Variants in ERC2 observed in about 807,000 individuals in gnomAD.
The protein encoded by ERC2 is ERC protein 2.
In ERC2, 42 loss-of-function variants were observed where a neutral mutation model predicts 114.8. The ratio of observed to expected loss-of-function variants is 0.37; its 90% CI spans 0.29 to 0.47. The LOEUF (loss-of-function observed/expected upper bound fraction) is 0.47, where lower values mean the gene tolerates loss of function less well. Among genes scored for constraint, ERC2 ranks in the 20% least tolerant of loss-of-function variants. ERC2 has a pLI of 0.99. For missense variants in ERC2, 939 were observed against 1,150.7 expected (o/e 0.82, Z 2.66); for synonymous variants, 454 against 425.5 (o/e 1.07, Z -0.82).
At chr3:55,720,578 C>T (rs1012868045) in intron 15 of ERC2, among the ~76,000 whole-genome samples, 1 of 152,002 alleles carries the variant, frequency 6.6e-6, no homozygotes, top group African/African-American at 2.4e-5. Context: ...AGCCACCGCA[C>T]CCAGCTAACA....
intron 17 of ERC2, among the ~76,000 whole-genome samples, chr3:55,518,221 C>A (rs1042738690): frequency 2.0e-5 from 3 of 152,160 alleles, no homozygotes; most frequent in African/African-American, 7.2e-5. Flanking sequence ...AATTGGTTGA[C>A]TGTGCTGTTT....
rs548301961 is a variant in ERC2, at chr3:56,142,007, A to AT, written c.1306-2332dup. Among the ~76,000 whole-genome samples, 79 of 150,204 alleles carry AT rather than the reference A, an allele frequency of 5.3e-4. 1 individual carries two copies. Among genetic ancestry groups the AT allele is most frequent in the African/African-American group, 1.8e-3 (75 of 41,020 alleles). On this transcript the variant is annotated intron_variant, in intron 5 of 17. Coordinates refer to ENST00000288221, the MANE Select transcript of ERC2 (RefSeq NM_015576.3). ...TGGAAATGGTTCCTGTGAAATTGGA[A>AT]TTTTTTTTTTACACTAATGTTCATT...
chr3:55,897,114 T>A (rs561457984), intron 13 of ERC2, among the ~76,000 whole-genome samples: 4 of 152,182 alleles, frequency 2.6e-5, no homozygotes, highest in Non-Finnish European at 5.9e-5. Flanking sequence ...AAAAACCCGT[T>A]TAAGACCTTA....
chr3:55,626,815 C>T (rs1296637585), intron 17 of ERC2, among the ~76,000 whole-genome samples: 1 of 152,242 alleles, frequency 6.6e-6, no homozygotes, highest in Non-Finnish European at 1.5e-5. Context: ...ACCTGGAGTT[C>T]CTTCAACACG....
At chr3:56,171,286 T>G (rs1443383895) in intron 4 of ERC2, among the ~76,000 whole-genome samples, 1 of 152,186 alleles carries the variant, frequency 6.6e-6, no homozygotes, top group Non-Finnish European at 1.5e-5. Context: ...GCCTCCAGCC[T>G]GAGCTATACA....
At chr3:56,397,818 T>C (rs1400432038) in intron 2 of ERC2, among the ~76,000 whole-genome samples, 4 of 152,244 alleles carry the variant, frequency 2.6e-5, no homozygotes, top group Admixed American at 6.5e-5. Flanking sequence ...CAAATGCCCA[T>C]GTCTTGTTAC....
At chr3:55,527,304 T>C (rs570427237) in intron 17 of ERC2, among the ~76,000 whole-genome samples, 30 of 152,202 alleles carry the variant, frequency 2.0e-4, no homozygotes, top group African/African-American at 2.4e-5. Flanking sequence ...AGACCAGACA[T>C]GTTAGTGCTT....
At chr3:55,822,100 G>A (rs2149158554) in intron 14 of ERC2, among the ~76,000 whole-genome samples, 1 of 152,210 alleles carries the variant, frequency 6.6e-6, no homozygotes, top group Middle Eastern at 3.4e-3. Context: ...TGCTTTACTG[G>A]TTTCATTAAG....
rs557201165 is a variant in ERC2, at chr3:56,190,370, A to T, written c.1075-16850T>A. Among the ~76,000 whole-genome samples, 4 of 152,314 alleles carry T rather than the reference A, an allele frequency of 2.6e-5. No individual in the cohort carries two copies. The South Asian group carries it at 8.3e-4, about 32-fold the overall frequency. ...GAGTTGTGAGAATGAAGTGGTTACC[A>T]GGTGTAAAGCCAGCCAGCAGTGGTG... On this transcript the variant is annotated intron_variant, in intron 3 of 17. Coordinates refer to ENST00000288221, the MANE Select transcript of ERC2 (RefSeq NM_015576.3).
chr3:56,318,560 T>A (rs1258040318), intron 2 of ERC2, among the ~76,000 whole-genome samples: 3 of 151,248 alleles, frequency 2.0e-5, no homozygotes, highest in African/African-American at 7.3e-5. Flanking sequence ...ATATCAAAAA[T>A]ATATATAAGG....
At chr3:56,063,298 A>C (rs367890286) in intron 7 of ERC2, among the ~76,000 whole-genome samples, 43 of 152,348 alleles carry the variant, frequency 2.8e-4, no homozygotes, top group Non-Finnish European at 5.1e-4. Flanking sequence ...AGGGGCTTAC[A>C]TTACTTTGTT....
chr3:55,867,368 G>C (rs1001374454), intron 14 of ERC2, among the ~76,000 whole-genome samples: 2 of 151,920 alleles, frequency 1.3e-5, no homozygotes, highest in African/African-American at 4.8e-5. Context: ...AAGTGTTTTA[G>C]GGTTTAACTC....
intron 6 of ERC2, among the ~76,000 whole-genome samples, chr3:56,124,435 G>A (rs1020504383): frequency 8.5e-5 from 13 of 152,212 alleles, no homozygotes; most frequent in Admixed American, 2.0e-4. Flanking sequence ...GCACCATGAA[G>A]ATGAAGACAA....
intron 1 of ERC2, among the ~76,000 whole-genome samples, chr3:56,443,854 GAA>G (rs1041825145): frequency 6.6e-6 from 1 of 150,776 alleles, no homozygotes; most frequent in African/African-American, 2.4e-5. Context: ...TGGGTTTTAG[GAA>G]AAAAGGTAGC....
At chr3:55,831,361 G>C (rs1162035062) in intron 14 of ERC2, among the ~76,000 whole-genome samples, 1 of 96,328 alleles carries the variant, frequency 1.0e-5, no homozygotes, top group Non-Finnish European at 2.1e-5. Flanking sequence ...GGGGAGAGAA[G>C]GGGAGGGGAA....
chr3:56,301,008 G>A (rs775229741), intron 2 of ERC2, among the ~76,000 whole-genome samples: 10 of 152,172 alleles, frequency 6.6e-5, no homozygotes, highest in Non-Finnish European at 8.8e-5. Flanking sequence ...CCAGCACTTC[G>A]GGAGATCAAG....
intron 2 of ERC2, among the ~76,000 whole-genome samples, chr3:56,319,518 A>G (rs761984197): frequency 4.6e-5 from 7 of 152,218 alleles, no homozygotes; most frequent in East Asian, 1.9e-4. Flanking sequence ...TAGAGTTTCA[A>G]TTAAGCAAGA....
chr3:55,851,174 G>C (rs1278701850), intron 14 of ERC2, among the ~76,000 whole-genome samples: 8 of 152,006 alleles, frequency 5.3e-5, no homozygotes, highest in African/African-American at 1.9e-4. Context: ...AAAAATACTA[G>C]ATAATGATTT....
rs557725351 is a variant in ERC2 at position 56,156,073 on chromosome 3, G to A, written c.1150-6941C>T. On this transcript the variant is annotated intron_variant, in intron 4 of 17. Coordinates refer to ENST00000288221, the MANE Select transcript of ERC2 (RefSeq NM_015576.3). ...GCAGTTAGTAATAAAACCAGATGCC[G>A]AAATGAAATTTGAAAACTGTGGAGA... 7.2e-5 allele frequency among the ~76,000 whole-genome samples: 11 copies of A among 152,210 alleles called. No homozygotes were observed. The South Asian group carries it at 2.1e-3, about 29-fold the overall frequency.
Sources: gnomAD v4.1 joint callset for allele counts (sites outside exome capture counted in the v4.1 genomes callset) on GRCh38, gnomAD v4.1.1 for gene constraint, MANE v1.5 for transcripts, NCBI Gene and HGNC (gene_info 2026-07-23, HGNC 2026-07-21) for gene names.